The following STK32B variants were observed in gnomAD, a reference collection of about 807,000 sequenced individuals.
STK32B encodes serine/threonine kinase 32B.
A neutral mutation model predicts 52.6 loss-of-function variants in STK32B; 43 were observed. The observed-to-expected ratio is 0.82, with a 90% CI of 0.64 to 1.05. The LOEUF (loss-of-function observed/expected upper bound fraction) is 1.05. Among genes scored for constraint, STK32B ranks in the 50% least tolerant of loss-of-function variants. The probability of loss-of-function intolerance (pLI) is 0.00; values close to 1 mark genes in which losing one functional copy is unlikely to be tolerated. For missense variants in STK32B, 621 were observed against 534.6 expected (o/e 1.16, Z -1.59); for synonymous variants, 238 against 204.3 (o/e 1.17, Z -1.41).
chr4:5,490,363 T>G (rs1719615461), intron 11 of STK32B, among the ~76,000 whole-genome samples: 1 of 151,986 alleles, frequency 6.6e-6, no homozygotes. Context: ...CACCTCAGCC[T>G]CCCAAAGTGC....
At chr4:5,201,704 G>T (rs533775358) in intron 3 of STK32B, among the ~76,000 whole-genome samples, 6 of 152,158 alleles carry the variant, frequency 3.9e-5, no homozygotes, top group Non-Finnish European at 8.8e-5. Flanking sequence ...GAAGGTGAAG[G>T]GGGAGCAAGG....
At chr4:5,176,177 C>A (rs140557476) in intron 3 of STK32B, among the ~76,000 whole-genome samples, 1 of 152,136 alleles carries the variant, frequency 6.6e-6, no homozygotes, top group African/African-American at 2.4e-5. Context: ...GGGAGTGACC[C>A]GATTTTCCAG....
chr4:5,231,192 G>A (rs1317883054), intron 3 of STK32B, among the ~76,000 whole-genome samples: 2 of 152,134 alleles, frequency 1.3e-5, no homozygotes, highest in African/African-American at 4.8e-5. Flanking sequence ...TTTGACATCT[G>A]CCTCCTGGAG....
intron 2 of STK32B, among the ~76,000 whole-genome samples, chr4:5,166,845 C>T (rs531156740): frequency 6.6e-6 from 1 of 152,244 alleles, no homozygotes; most frequent in South Asian, 2.1e-4. Context: ...CCATACAATC[C>T]TTGCTAACCG....
Position 5,051,511 on chromosome 4 carries a change from T to C in STK32B, c.-353T>C. ...CTCCTTCCCCTGCTCCCGCGCCGCC[T>C]CGCGTCTCCCGCCCGCTGTAGCCGG... On this transcript the variant is annotated 5_prime_UTR_variant, in exon 1 of 12. Transcript: ENST00000282908. 3.2e-6 allele frequency: 1 copy of C among 310,982 alleles called. No individual in the cohort carries two copies. Among genetic ancestry groups the C allele is most frequent in the Non-Finnish European group, 5.8e-6 (1 of 171,140 alleles). 19.3% of individuals were successfully genotyped at this position (310,982 alleles called of 1,614,324 possible). A position where few individuals can be genotyped will look rare whatever the true frequency, so the allele number is the denominator to read the frequency against.
chr4:5,174,918 C>T (rs537403363), intron 3 of STK32B, among the ~76,000 whole-genome samples: 3 of 152,308 alleles, frequency 2.0e-5, no homozygotes, highest in African/African-American at 7.2e-5. Context: ...GTTCCATTTT[C>T]CCTGTCACTT....
chr4:5,213,528 A>G (rs2108788649), intron 3 of STK32B, among the ~76,000 whole-genome samples: 1 of 152,340 alleles, frequency 6.6e-6, no homozygotes, highest in Non-Finnish European at 1.5e-5. Flanking sequence ...GCAGATAGAG[A>G]TCAATCTATC....
intron 6 of STK32B, among the ~76,000 whole-genome samples, chr4:5,418,034 A>G (rs1033093936): frequency 6.6e-6 from 1 of 152,206 alleles, no homozygotes; most frequent in African/African-American, 2.4e-5. Flanking sequence ...TGCCTGCTTC[A>G]CATTTCCTGG....
intron 1 of STK32B, among the ~76,000 whole-genome samples, chr4:5,119,378 A>G (rs1438232183): frequency 6.6e-6 from 1 of 152,240 alleles, no homozygotes; most frequent in South Asian, 2.1e-4. Flanking sequence ...GGCTTTAGAA[A>G]CATTTTAGTA....
chr4:5,250,343 C>T (rs74418810), intron 3 of STK32B, among the ~76,000 whole-genome samples: 4,745 of 136,836 alleles, frequency 0.035, 206 homozygotes, highest in African/African-American at 0.1. Context: ...GACAGAATCT[C>T]GCTCTGTCAC....
At chr4:5,052,465 G>A (rs1018564725) in intron 1 of STK32B, among the ~76,000 whole-genome samples, 4 of 152,010 alleles carry the variant, frequency 2.6e-5, no homozygotes, top group Admixed American at 1.3e-4. Flanking sequence ...TCCTGTTCTG[G>A]GCAGCCTCCC....
chr4:5,107,042 G>A (rs1302333696), intron 1 of STK32B, among the ~76,000 whole-genome samples: 1 of 152,134 alleles, frequency 6.6e-6, no homozygotes, highest in East Asian at 1.9e-4. Context: ...GAGGTGAGAG[G>A]CAGGTGAAGC....
At chr4:5,115,243 G>T (rs1265619123) in intron 1 of STK32B, among the ~76,000 whole-genome samples, 1 of 152,058 alleles carries the variant, frequency 6.6e-6, no homozygotes, top group Non-Finnish European at 1.5e-5. Flanking sequence ...GAACTCTGAT[G>T]CCCCAAGGGC....
chr4:5,253,459 CCTT>C (rs1445493809), intron 3 of STK32B, among the ~76,000 whole-genome samples: 3 of 152,146 alleles, frequency 2.0e-5, no homozygotes, highest in Non-Finnish European at 4.4e-5. Context: ...ACCGCAACCT[CCTT>C]CTCCCAGGCT....
At chr4:5,032,946 T>C in the STK32B span, among the ~76,000 whole-genome samples, 1 of 152,196 alleles carries the variant, frequency 6.6e-6, no homozygotes, top group Admixed American at 6.5e-5. Context: ...TGACTTTATC[T>C]CATTTCTTCA....
chr4:5,247,183 G>GAGGC (rs1725518567), intron 3 of STK32B, among the ~76,000 whole-genome samples: 1 of 152,230 alleles, frequency 6.6e-6, no homozygotes, highest in Non-Finnish European at 1.5e-5. Flanking sequence ...GGAGCCTACA[G>GAGGC]AGGCAGGCAG....
intron 1 of STK32B, among the ~76,000 whole-genome samples, chr4:5,108,272 T>G (rs1714213939): frequency 6.6e-6 from 1 of 152,256 alleles, no homozygotes; most frequent in African/African-American, 2.4e-5. Context: ...ATTTTGCTTC[T>G]GAGGCAATTT....
intron 1 of STK32B, among the ~76,000 whole-genome samples, chr4:5,055,668 T>C (rs1372564064): frequency 1.3e-5 from 2 of 152,128 alleles, no homozygotes; most frequent in Non-Finnish European, 2.9e-5. Context: ...CACTCCTGGC[T>C]CACCTGCCTC....
At chr4:5,362,994 C>T (rs1159837624) in intron 4 of STK32B, among the ~76,000 whole-genome samples, 1 of 152,208 alleles carries the variant, frequency 6.6e-6, no homozygotes, top group Non-Finnish European at 1.5e-5. Flanking sequence ...CATGACTTCA[C>T]AGGAAACACA....
Sources: allele counts gnomAD v4.1 joint callset (sites outside exome capture counted in the v4.1 genomes callset), GRCh38; gene constraint gnomAD v4.1.1; transcripts MANE v1.5; gene names NCBI Gene and HGNC (gene_info 2026-07-23, HGNC 2026-07-21).